GUCY2F: variants seen among roughly 807,000 people sequenced by gnomAD.
GUCY2F encodes the protein guanylate cyclase 2F, retinal.
In GUCY2F, 61 loss-of-function variants were observed where a neutral mutation model predicts 73.1. The ratio of observed to expected loss-of-function variants is 0.83; its 90% CI spans 0.68 to 1.03. The LOEUF (loss-of-function observed/expected upper bound fraction) is 1.03. GUCY2F is among the 50% of genes least tolerant of loss of function. The pLI is 0.00. For missense variants in GUCY2F, 912 were observed against 854.3 expected (o/e 1.07, Z -0.84); for synonymous variants, 331 against 307.8 (o/e 1.08, Z -0.79).
chrX:109,391,959 G>T lies in GUCY2F; in HGVS notation c.2733C>A (p.Asp911Glu). The T allele has an allele frequency of 8.3e-7, 1 of 1,208,313 alleles. No individual in the cohort carries two copies. Among genetic ancestry groups the T allele is most frequent in the Non-Finnish European group, 1.1e-6 (1 of 892,878 alleles). ...EPIEVVDLLN[D>E]LYTLFDAIIG... ...TTATTGCATCAAAGAGTGTGTACAG[G>T]TCATTCAGAAGATCCACGACCTCAA... Residue 911 changes from aspartate to glutamate, a missense_variant, in exon 14 of 20, where the codon GAC becomes GAA. Coordinates refer to ENST00000218006, the MANE Select transcript of GUCY2F (RefSeq NM_001522.3).
intron 6 of GUCY2F, among the ~76,000 whole-genome samples, chrX:109,445,101 T>G (rs139900387): frequency 0.017 from 1,869 of 111,701 alleles, 19 homozygotes; most frequent in Non-Finnish European, 0.024. Flanking sequence ...TCTCTCTAAC[T>G]TAACTGTAAT....
rs768681419 is a variant in GUCY2F, at chrX:109,453,591, C to G, written c.1301G>C (p.Gly434Ala). 5.2e-5 allele frequency: 63 copies of G among 1,207,217 alleles called. No homozygotes were observed. The East Asian group carries it at 1.5e-3, about 29-fold the overall frequency. The change falls in exon 4 of 20, where the codon GGA becomes GCA. Residue 434 changes from glycine to alanine, a missense_variant. By Grantham distance (60) the Gly-to-Ala change is moderately conservative. Transcript: ENST00000218006. ...ACCAGGGAAGTGAATAGGGGTCCCTCCGAAACGTAGCAGCTCCATTTCCAT... is the reference window on the plus strand; with the variant it reads ...ACCAGGGAAGTGAATAGGGGTCCCTGCGAAACGTAGCAGCTCCATTTCCAT... ...VDMEMELLRF[G>A]GTPIHFPGGR...
intron 1 of GUCY2F, among the ~76,000 whole-genome samples, chrX:109,478,996 T>C (rs1001181263): frequency 9.0e-6 from 1 of 111,620 alleles, no homozygotes; most frequent in African/African-American, 3.3e-5. Context: ...AAAGAATAAA[T>C]TAGGTAGAGT....
chrX:109,423,303 G>C (rs1931409235), intron 8 of GUCY2F, among the ~76,000 whole-genome samples: 1 of 111,912 alleles, frequency 8.9e-6, no homozygotes, highest in African/African-American at 3.2e-5. Flanking sequence ...ATGGGCCATA[G>C]TTTGCTAATC....
intron 9 of GUCY2F, among the ~76,000 whole-genome samples, chrX:109,405,213 G>C (rs1930944618): frequency 8.9e-6 from 1 of 111,985 alleles, no homozygotes; most frequent in African/African-American, 3.2e-5. Flanking sequence ...AAACAAAAAA[G>C]TCATCTGTAA....
intron 2 of GUCY2F, among the ~76,000 whole-genome samples, chrX:109,471,584 T>A (rs775612211): frequency 6.8e-4 from 76 of 112,582 alleles, no homozygotes; most frequent in Non-Finnish European, 1.1e-3. Context: ...ACAACCTACA[T>A]AACCACACAC....
In GUCY2F at chrX:109,391,979, C is replaced by T. The variant is rs1930572926; in HGVS notation, c.2713G>A (p.Val905Ile). ...TISAMSEPIE[V>I]VDLLNDLYTL... ...TACAGGTCATTCAGAAGATCCACGA[C>T]CTCAATGGGCTCACTCATGGCTGAA... The change falls in exon 14 of 20, where the codon GTC becomes ATC. Residue 905 changes from valine to isoleucine, a missense_variant. Physicochemically the swap from Val to Ile is conservative, Grantham distance 29 (BLOSUM62 3). Transcript: ENST00000218006. 1 of 1,207,016 alleles carries T rather than the reference C, an allele frequency of 8.3e-7. No individual in the cohort carries two copies. The highest frequency in any genetic ancestry group is 3.0e-5 in the East Asian group (1 of 33,764).
chrX:109,479,587 A>G (rs1186557800), intron 1 of GUCY2F, among the ~76,000 whole-genome samples: 1 of 112,199 alleles, frequency 8.9e-6, no homozygotes, highest in Admixed American at 9.4e-5. Context: ...AAACCTCTGC[A>G]CTTTGAAACT....
intron 8 of GUCY2F, among the ~76,000 whole-genome samples, chrX:109,426,862 C>A (rs919246260): frequency 8.9e-5 from 10 of 112,125 alleles, no homozygotes; most frequent in Admixed American, 7.6e-4. Flanking sequence ...ATTGATGTCA[C>A]CAGCATAACA....
chrX:109,398,365 C>T (rs763995763), intron 11 of GUCY2F, among the ~76,000 whole-genome samples, 184 bp downstream of exon 11: 7 of 111,542 alleles, frequency 6.3e-5, no homozygotes, highest in Admixed American at 2.8e-4. Flanking sequence ...TCTTGGGTGG[C>T]GAAATTTCTT....
chrX:109,445,545 G>T (rs1464555047), intron 6 of GUCY2F, among the ~76,000 whole-genome samples: 1 of 111,880 alleles, frequency 8.9e-6, no homozygotes, highest in Non-Finnish European at 1.9e-5. Flanking sequence ...AAGGAAACAG[G>T]TATCCCAGGG....
At chrX:109,376,743 A>G (rs656150) in intron 17 of GUCY2F, among the ~76,000 whole-genome samples, 28,170 of 110,806 alleles carry the variant, frequency 0.25, 3,066 homozygotes, top group East Asian at 0.71. Flanking sequence ...AAGAACCACA[A>G]GTCTCAGAAG....
At chrX:109,382,321 C>T (rs1930336967) in intron 16 of GUCY2F, 109 bp from the exon 17 acceptor site, 1 of 500,818 alleles carries the variant, frequency 2.0e-6, no homozygotes, top group Non-Finnish European at 3.6e-6. Flanking sequence ...AGACCATTAG[C>T]AACGTCCTGA....
rs747047307 is a variant in GUCY2F, at chrX:109,463,477, G to C, written c.1032+1665C>G. Among the ~76,000 whole-genome samples, 499 of 90,083 alleles carry C rather than the reference G, an allele frequency of 5.5e-3. 3 individuals carry two copies. Among genetic ancestry groups the C allele is most frequent in the Non-Finnish European group, 7.6e-3 (368 of 48,136 alleles). 78.2% of individuals were successfully genotyped at this position (90,083 alleles called of 115,157 possible). ...TTTGGAGATGGAGTCTTGCTCTGTCGCCCAGGCTGGAGTGCAGTGGCGCCA... is the reference window on the plus strand; with the variant it reads ...TTTGGAGATGGAGTCTTGCTCTGTCCCCCAGGCTGGAGTGCAGTGGCGCCA... On this transcript the variant is annotated intron_variant, in intron 3 of 19. Coordinates refer to ENST00000218006, the MANE Select transcript of GUCY2F (RefSeq NM_001522.3).
intron 6 of GUCY2F, among the ~76,000 whole-genome samples, chrX:109,443,405 T>C (rs1043909671): frequency 6.3e-5 from 7 of 111,953 alleles, no homozygotes; most frequent in African/African-American, 2.3e-4. Context: ...GCCCTCTTAC[T>C]ATTCATTTTT....
At chrX:109,445,954 A>T (rs1233229906) in intron 6 of GUCY2F, among the ~76,000 whole-genome samples, 2 of 112,003 alleles carry the variant, frequency 1.8e-5, no homozygotes, top group East Asian at 5.6e-4. Flanking sequence ...ATGTACAAAA[A>T]TCACAAGCAT....
At chrX:109,474,859 T>TC (rs1932651611) in intron 2 of GUCY2F, among the ~76,000 whole-genome samples, 1 of 111,473 alleles carries the variant, frequency 9.0e-6, no homozygotes, top group Admixed American at 9.5e-5. Context: ...GACCCGCGCC[T>TC]CCCCATACCA....
chrX:109,476,767 T>C (rs757132473), intron 1 of GUCY2F, among the ~76,000 whole-genome samples: 2 of 105,351 alleles, frequency 1.9e-5, no homozygotes, highest in South Asian at 4.0e-4. Flanking sequence ...GATAGATAGA[T>C]AGATAGACAG....
intron 16 of GUCY2F, 102 bp from the exon 17 acceptor site, chrX:109,382,314 CCAT>C (rs745833725): frequency 2.0e-6 from 1 of 505,911 alleles, no homozygotes; most frequent in South Asian, 3.1e-5. Context: ...ATGAACTAGA[CCAT>C]TAGCAACGTC....
Sources: gnomAD v4.1 joint callset for allele counts (sites outside exome capture counted in the v4.1 genomes callset) on GRCh38, gnomAD v4.1.1 for gene constraint, MANE v1.5 for transcripts, NCBI Gene and HGNC (gene_info 2026-07-23, HGNC 2026-07-21) for gene names.